SLC34A2: variants seen among roughly 807,000 people sequenced by gnomAD.
The protein encoded by SLC34A2 is sodium-dependent phosphate transport protein 2B.
In SLC34A2, 41 loss-of-function variants were observed where a neutral mutation model predicts 50.8. That is an observed-to-expected ratio of 0.81 (90% CI 0.63 to 1.05). The LOEUF (loss-of-function observed/expected upper bound fraction) is 1.05. Among genes scored for constraint, SLC34A2 ranks in the 50% least tolerant of loss-of-function variants. The pLI, the probability that SLC34A2 is intolerant of heterozygous loss-of-function variation, is 0.00. For synonymous variants in SLC34A2, 401 were observed against 364.2 expected (o/e 1.10, Z -1.15); for missense variants, 879 against 876.7 (o/e 1.00, Z -0.03).
intron 1 of SLC34A2, among the ~76,000 whole-genome samples, chr4:25,657,323 A>G (rs116313818): frequency 1.8e-3 from 275 of 152,246 alleles, no homozygotes; most frequent in Non-Finnish European, 3.5e-3. Flanking sequence ...AGTTTCAGGC[A>G]TCTTCCACTC....
At chr4:25,672,984 C>A in intron 9 of SLC34A2, 103 bp from the exon 10 acceptor site, 9 of 1,311,220 alleles carry the variant, frequency 6.9e-6, no homozygotes, top group Non-Finnish European at 9.9e-6. Flanking sequence ...AACTAACAAC[C>A]AGGAATCTGT....
intron 5 of SLC34A2, 39 bp from the exon 6 acceptor site, chr4:25,667,841 C>T: frequency 7.1e-7 from 1 of 1,403,852 alleles, no homozygotes. Flanking sequence ...CTCCAGGCTG[C>T]CTTTCTAAGC....
chr4:25,662,405 T>A, intron 1 of SLC34A2, 93 bp from the exon 2 acceptor site: 1 of 1,160,688 alleles, frequency 8.6e-7, no homozygotes, highest in Admixed American at 1.8e-5. Flanking sequence ...CCCCACCCAG[T>A]TGATGCTTTG....
At chr4:25,665,025 A>G (rs1714416389) in intron 4 of SLC34A2, 3 of 229,300 alleles carry the variant, frequency 1.3e-5, no homozygotes, top group Non-Finnish European at 2.6e-5. Flanking sequence ...ATTCAGTCTC[A>G]GATCTGGGTG....
intron 10 of SLC34A2, among the ~76,000 whole-genome samples, chr4:25,673,960 G>A (rs1297112951): frequency 1.3e-5 from 2 of 152,154 alleles, no homozygotes; most frequent in African/African-American, 4.8e-5. Context: ...GTCAAATGTG[G>A]GTGCTGACAG....
chr4:25,657,865 T>C (rs115447860), intron 1 of SLC34A2, among the ~76,000 whole-genome samples: 2,894 of 152,258 alleles, frequency 0.019, 89 homozygotes, highest in African/African-American at 0.064. Flanking sequence ...AGTGCTGGGA[T>C]TATAGGTGTG....
In SLC34A2 at chr4:25,676,458, G is replaced by A. The variant is rs1394742207; in HGVS notation, c.1782G>A (p.Pro594=). The A allele has an allele frequency of 1.9e-6, 3 of 1,614,186 alleles. No individual in the cohort carries two copies. Among genetic ancestry groups the A allele is most frequent in the East Asian group, 2.2e-5 (1 of 44,884 alleles). Reference sequence around the variant, plus strand: ...AACTCCAGAACTGGAACTTCCTGCCGCTGTGGATGCGCTCGCTGAAGCCCT... The same window carrying A: ...AACTCCAGAACTGGAACTTCCTGCCACTGTGGATGCGCTCGCTGAAGCCCT... The part of the protein sequence containing the change: ...PKKLQNWNFL[P]LWMRSLKPWD... The change falls in exon 13 of 13, where the codon CCG becomes CCA. Residue 594 remains proline (P), a synonymous_variant. Coordinates refer to ENST00000382051, the MANE Select transcript of SLC34A2 (RefSeq NM_006424.3).
Position 25,670,733 on chromosome 4 carries a change from C to T in SLC34A2, c.832-5C>T. 1 of 1,611,794 alleles carries T rather than the reference C, an allele frequency of 6.2e-7. No homozygotes were observed. Among genetic ancestry groups the T allele is most frequent in the Non-Finnish European group, 8.5e-7 (1 of 1,178,190 alleles). ...CTGATGGTTTCCTGTCTACTGTTTCCACAGCTGGATAAAAAAGTTATCAGC... is the reference window on the plus strand; with the variant it reads ...CTGATGGTTTCCTGTCTACTGTTTCTACAGCTGGATAAAAAAGTTATCAGC... On this transcript the variant is annotated splice_region_variant and splice_polypyrimidine_tract_variant and intron_variant, in intron 7 of 12. Transcript: ENST00000382051.
intron 5 of SLC34A2, 42 bp downstream of exon 5, chr4:25,666,313 T>A (rs1230507051): frequency 6.2e-7 from 1 of 1,609,212 alleles, no homozygotes; most frequent in Non-Finnish European, 8.5e-7. Flanking sequence ...TTCCAGACAC[T>A]CTCCTGTCTA....
intron 12 of SLC34A2, among the ~76,000 whole-genome samples, chr4:25,675,771 G>A (rs543238208): frequency 1.7e-4 from 26 of 152,330 alleles, no homozygotes; most frequent in African/African-American, 6.3e-4. Context: ...TTGGGAAAGT[G>A]ACCAAGCGCC....
At chr4:25,663,382 G>T (rs1030264055) in intron 3 of SLC34A2, among the ~76,000 whole-genome samples, 2 of 152,200 alleles carry the variant, frequency 1.3e-5, no homozygotes, top group African/African-American at 4.8e-5. Flanking sequence ...TTCGCTGTGG[G>T]TGATGAGGTT....
chr4:25,674,392 C>T lies in SLC34A2; in HGVS notation c.1313C>T (p.Ser438Leu), dbSNP rs200073812. The T allele has an allele frequency of 1.2e-5, 19 of 1,614,190 alleles. No individual in the cohort carries two copies. The highest frequency in any genetic ancestry group is 8.3e-5 in the Admixed American group (5 of 60,024). The change falls in exon 11 of 13, where the codon TCG (serine) becomes TTG (leucine). Residue 438 changes from serine to leucine, a missense_variant. Ser to Leu is a moderately radical substitution (Grantham distance 145). Coordinates refer to ENST00000382051, the MANE Select transcript of SLC34A2 (RefSeq NM_006424.3). ...FIVQSSSVFT[S>L]ALTPLIGIGV... ...GTACAGAGCAGCTCTGTGTTCACGT[C>T]GGCCTTGACCCCCCTGATTGGTGAG...
rs761049513 is a variant in SLC34A2, at chr4:25,676,506, C to G, written c.1830C>G (p.Phe610Leu). ...LKPWDAVVSK[F>L]TGCFQMRCCC... ...CCTGGGATGCCGTCGTCTCCAAGTT[C>G]ACCGGCTGCTTCCAGATGCGCTGCT... Residue 610 changes from phenylalanine to leucine, a missense_variant, in exon 13 of 13, where the codon TTC (phenylalanine) becomes TTG (leucine). Transcript: ENST00000382051. 1.9e-6 allele frequency: 3 copies of G among 1,614,136 alleles called. No individual in the cohort carries two copies. The highest frequency in any genetic ancestry group is 1.7e-6 in the Non-Finnish European group (2 of 1,180,004).
chr4:25,676,683 C>A lies in SLC34A2; in HGVS notation c.2007C>A (p.Thr669=). The change falls in exon 13 of 13, where the codon ACC becomes ACA. Residue 669 remains threonine, a synonymous_variant. Transcript: ENST00000382051. ...CTCCTGAGACCTTTGATAACATAAC[C>A]ATTAGCAGAGAGGCTCAGGGTGAGG... ...VKAPETFDNI[T]ISREAQGEVP... 1 of 1,614,228 alleles carries A rather than the reference C, an allele frequency of 6.2e-7. No individual in the cohort carries two copies. The highest frequency in any genetic ancestry group is 8.5e-7 in the Non-Finnish European group (1 of 1,180,028).
In SLC34A2 at chr4:25,669,733, T is replaced by TCGA; in HGVS notation, c.723_725dup (p.Leu241_Glu242insAsp). The stretch of plus-strand genomic sequence containing the variant: ...CCCGTGGAGGTGGCCACCCATTACC[T>TCGA]CGAGATCATAACCCAGCTTATAGTG... On this transcript the variant is annotated inframe_insertion, in exon 7 of 13. Coordinates refer to ENST00000382051, the MANE Select transcript of SLC34A2 (RefSeq NM_006424.3). The TCGA allele has an allele frequency of 6.2e-7, 1 of 1,614,154 alleles. No individual in the cohort carries two copies. Among genetic ancestry groups the TCGA allele is most frequent in the Non-Finnish European group, 8.5e-7 (1 of 1,180,036 alleles).
At chr4:25,661,516 T>C (rs1714182823) in intron 1 of SLC34A2, among the ~76,000 whole-genome samples, 1 of 152,010 alleles carries the variant, frequency 6.6e-6, no homozygotes, top group Admixed American at 6.5e-5. Context: ...GCCTCCTAAG[T>C]AGCTGGGATT....
chr4:25,673,871 G>A (rs1714958791), intron 10 of SLC34A2, among the ~76,000 whole-genome samples: 1 of 152,298 alleles, frequency 6.6e-6, no homozygotes, highest in South Asian at 2.1e-4. Context: ...TGCTAGTTGG[G>A]TGGAGGACTC....
rs16877402 is a variant in SLC34A2 at position 25,668,714 on chromosome 4, G to A, written c.635+723G>A. 2.3e-3 allele frequency among the ~76,000 whole-genome samples: 345 copies of A among 151,400 alleles called. 1 individual carries two copies. Among genetic ancestry groups the A allele is most frequent in the African/African-American group, 7.6e-3 (312 of 41,282 alleles). ...ATAACTTATTTAAACTTCCACTTTC[G>A]GTCAGCTCAACCCATGCCACCTTTT... On this transcript the variant is annotated intron_variant, in intron 6 of 12. Coordinates refer to ENST00000382051, the MANE Select transcript of SLC34A2 (RefSeq NM_006424.3).
At chr4:25,658,658 G>A (rs957191003) in intron 1 of SLC34A2, among the ~76,000 whole-genome samples, 4 of 152,214 alleles carry the variant, frequency 2.6e-5, no homozygotes, top group Admixed American at 1.3e-4. Context: ...CAGGCAACTC[G>A]GTTATAGAGG....
Sources: allele counts gnomAD v4.1 joint callset (sites outside exome capture counted in the v4.1 genomes callset), GRCh38; gene constraint gnomAD v4.1.1; transcripts MANE v1.5; gene names NCBI Gene and HGNC (gene_info 2026-07-23, HGNC 2026-07-21).